TNNI3K: variants seen among roughly 807,000 people sequenced by gnomAD.
TNNI3K encodes serine/threonine-protein kinase TNNI3K.
A neutral mutation model predicts 114.5 loss-of-function variants in TNNI3K; 140 were observed. The ratio of observed to expected loss-of-function variants is 1.22; its 90% CI spans 1.07 to 1.41. The LOEUF (loss-of-function observed/expected upper bound fraction) is 1.41, where lower values mean the gene tolerates loss of function less well. Ranked by LOEUF, TNNI3K falls within the 40% of genes most tolerant of loss-of-function variation. The pLI, the probability that TNNI3K is intolerant of heterozygous loss-of-function variation, is 0.00. For missense variants in TNNI3K, 1,125 were observed against 1,007.6 expected (o/e 1.12, Z -1.58); for synonymous variants, 347 against 347.5 (o/e 1.00, Z 0.02).
chr1:74,450,910 G>A (rs1666962102), intron 20 of TNNI3K, among the ~76,000 whole-genome samples: 1 of 152,008 alleles, frequency 6.6e-6, no homozygotes, highest in Admixed American at 6.6e-5. Flanking sequence ...TATACCCAAA[G>A]GAATATAAAT....
At chr1:74,291,333 T>C (rs954352630) in intron 5 of TNNI3K, among the ~76,000 whole-genome samples, 1 of 151,696 alleles carries the variant, frequency 6.6e-6, no homozygotes, top group African/African-American at 2.4e-5. Context: ...ACTTTATTAT[T>C]TATTGTGACT....
intron 9 of TNNI3K, among the ~76,000 whole-genome samples, chr1:74,350,614 G>A (rs1661285389): frequency 6.6e-6 from 1 of 151,962 alleles, no homozygotes; most frequent in Non-Finnish European, 1.5e-5. Context: ...TCTCTTTGTA[G>A]GTCACTAAGG....
chr1:74,433,165 C>A (rs1209310050), intron 17 of TNNI3K, among the ~76,000 whole-genome samples: 1 of 152,042 alleles, frequency 6.6e-6, no homozygotes, highest in Non-Finnish European at 1.5e-5. Flanking sequence ...AACTCTTGAA[C>A]TCACCTTTAA....
intron 9 of TNNI3K, among the ~76,000 whole-genome samples, chr1:74,348,581 C>A (rs1205297602): frequency 6.6e-6 from 1 of 152,176 alleles, no homozygotes. Context: ...CTATAAATTA[C>A]CTTGGGCAGT....
intron 11 of TNNI3K, among the ~76,000 whole-genome samples, chr1:74,359,252 G>A (rs929505516): frequency 1.6e-4 from 24 of 151,942 alleles, no homozygotes; most frequent in African/African-American, 4.6e-4. Flanking sequence ...ATTCTGACGA[G>A]GTTTAAGGAT....
intron 4 of TNNI3K, among the ~76,000 whole-genome samples, chr1:74,267,475 C>T (rs1291706271): frequency 1.3e-5 from 2 of 151,920 alleles, no homozygotes; most frequent in African/African-American, 4.8e-5. Context: ...TCAACACTTA[C>T]AAAGTAAGGT....
intron 5 of TNNI3K, among the ~76,000 whole-genome samples, chr1:74,277,671 C>T (rs1311759067): frequency 1.3e-4 from 20 of 152,056 alleles, no homozygotes; most frequent in Non-Finnish European, 5.9e-5. Flanking sequence ...TCTGCAGTTG[C>T]CATAAGTCAA....
At chr1:74,292,659 G>C (rs183176589) in intron 5 of TNNI3K, among the ~76,000 whole-genome samples, 38 of 151,646 alleles carry the variant, frequency 2.5e-4, no homozygotes, top group Admixed American at 2.0e-3. Flanking sequence ...TTCTTGAAGT[G>C]AATATGCATT....
intron 22 of TNNI3K, among the ~76,000 whole-genome samples, chr1:74,490,256 T>TA (rs1218853428): frequency 2.0e-5 from 3 of 152,126 alleles, no homozygotes; most frequent in Non-Finnish European, 4.4e-5. Context: ...TACTGGGACT[T>TA]ACAGAAAGTG....
chr1:74,415,534 T>C (rs1486442490), intron 17 of TNNI3K, among the ~76,000 whole-genome samples: 1 of 152,136 alleles, frequency 6.6e-6, no homozygotes, highest in African/African-American at 2.4e-5. Context: ...AAATCTTTCT[T>C]ACTTTTTGAA....
intron 2 of TNNI3K, among the ~76,000 whole-genome samples, chr1:74,246,747 T>C (rs1654584694): frequency 6.6e-6 from 1 of 152,222 alleles, no homozygotes; most frequent in Non-Finnish European, 1.5e-5. Flanking sequence ...TTTGGAGCTC[T>C]TCTGTAGCAA....
chr1:74,289,471 T>A (rs1557476993), intron 5 of TNNI3K, among the ~76,000 whole-genome samples: 1 of 125,760 alleles, frequency 8.0e-6, no homozygotes. Flanking sequence ...GAAGTCGAAC[T>A]CACCCATAGG....
At chr1:74,406,131 G>A (rs1664600649) in intron 17 of TNNI3K, among the ~76,000 whole-genome samples, 1 of 152,202 alleles carries the variant, frequency 6.6e-6, no homozygotes, top group Non-Finnish European at 1.5e-5. Context: ...GTTGTTGGCA[G>A]AAACAGTTCT....
chr1:74,497,853 T>G (rs1669409681), intron 23 of TNNI3K, among the ~76,000 whole-genome samples: 1 of 152,202 alleles, frequency 6.6e-6, no homozygotes, highest in Non-Finnish European at 1.5e-5. Flanking sequence ...GGAGTCCAAT[T>G]GATTCAGGAG....
intron 20 of TNNI3K, among the ~76,000 whole-genome samples, chr1:74,443,213 G>A (rs907133516): frequency 5.3e-5 from 8 of 152,048 alleles, no homozygotes; most frequent in Admixed American, 4.6e-4. Context: ...GAAAATCAAT[G>A]AATCCAGGAG....
chr1:74,299,576 A>G (rs1250306502), intron 5 of TNNI3K, among the ~76,000 whole-genome samples: 1 of 152,100 alleles, frequency 6.6e-6, no homozygotes, highest in Non-Finnish European at 1.5e-5. Flanking sequence ...TACATTGATT[A>G]TCTCTTTATA....
At chr1:74,446,131 G>T (rs1666658970) in intron 20 of TNNI3K, among the ~76,000 whole-genome samples, 1 of 152,020 alleles carries the variant, frequency 6.6e-6, no homozygotes, top group African/African-American at 2.4e-5. Context: ...TTCCACAATG[G>T]TTTAACTAGT....
At chr1:74,346,705 G>C (rs1468368270) in intron 9 of TNNI3K, among the ~76,000 whole-genome samples, 1 of 150,332 alleles carries the variant, frequency 6.7e-6, no homozygotes, top group East Asian at 2.0e-4. Flanking sequence ...TGTTAGGACT[G>C]TCATAAAGAA....
chr1:74,429,659 A>C (rs887052887), intron 17 of TNNI3K, among the ~76,000 whole-genome samples: 2 of 152,154 alleles, frequency 1.3e-5, no homozygotes, highest in African/African-American at 4.8e-5. Flanking sequence ...AAAATATGGC[A>C]GCCAGCAGAT....
Sources: gnomAD v4.1 joint callset for allele counts (sites outside exome capture counted in the v4.1 genomes callset) on GRCh38, gnomAD v4.1.1 for gene constraint, MANE v1.5 for transcripts, NCBI Gene and HGNC (gene_info 2026-07-23, HGNC 2026-07-21) for gene names.